FN1: variants seen among roughly 807,000 people sequenced by gnomAD.
The protein encoded by FN1 is fibronectin.
FN1 carries 106 observed loss-of-function variants against 297.3 expected under a neutral mutation model. The observed-to-expected ratio is 0.36, with a 90% CI of 0.30 to 0.42. The LOEUF (loss-of-function observed/expected upper bound fraction) is 0.42. FN1 is among the 10% of genes least tolerant of loss of function. The probability of loss-of-function intolerance (pLI) is 1.00; values close to 1 mark genes in which losing one functional copy is unlikely to be tolerated. For missense variants in FN1, 2,690 were observed against 3,124.9 expected, an observed-to-expected ratio of 0.86 and a Z score of 3.32; for synonymous variants, 1,149 against 1,152.6, an observed-to-expected ratio of 1.00 and a Z score of 0.06.
At chr2:215,410,923 G>A (rs1269080154) in intron 13 of FN1, among the ~76,000 whole-genome samples, 1 of 152,120 alleles carries the variant, frequency 6.6e-6, no homozygotes, top group African/African-American at 2.4e-5. Flanking sequence ...ATTCCTCTCT[G>A]AAGTACAGAA....
intron 40 of FN1, 76 bp from the exon 41 acceptor site, chr2:215,370,508 A>G (rs1333914563): frequency 1.6e-6 from 2 of 1,217,690 alleles, no homozygotes; most frequent in Non-Finnish European, 1.2e-6. Context: ...TCTTACCAAT[A>G]ACCCTCACTG....
Position 215,425,223 on chromosome 2 carries a change from G to T in FN1, c.907C>A (p.Pro303Thr). 1 of 1,614,178 alleles carries T rather than the reference G, an allele frequency of 6.2e-7. No individual in the cohort carries two copies. Among genetic ancestry groups the T allele is most frequent in the South Asian group, 1.1e-5 (1 of 91,078 alleles). Reference sequence around the variant, plus strand: ...TCTGTGACACAGTGGCCATAGGGAGGAGGCTGGGGGTGAGGCTGCGGTTGG... The same window carrying T: ...TCTGTGACACAGTGGCCATAGGGAGTAGGCTGGGGGTGAGGCTGCGGTTGG... The part of the protein sequence containing the change: ...VYQPQPHPQP[P>T]PYGHCVTDSG... The change falls in exon 7 of 46, where the codon CCT (proline) becomes ACT (threonine). Residue 303 changes from proline to threonine, a missense_variant. Pro to Thr is a conservative substitution (Grantham distance 38). Transcript: ENST00000354785.
chr2:215,402,131 A>C (rs2061246849), intron 20 of FN1, among the ~76,000 whole-genome samples: 1 of 152,164 alleles, frequency 6.6e-6, no homozygotes, highest in Non-Finnish European at 1.5e-5. Flanking sequence ...GAAAACCACA[A>C]CTTTTTTTAC....
At chr2:215,422,517 G>C (rs990341436) in intron 9 of FN1, among the ~76,000 whole-genome samples, 1 of 152,166 alleles carries the variant, frequency 6.6e-6, no homozygotes, top group African/African-American at 2.4e-5. Flanking sequence ...TCCACACAAA[G>C]GGTTCTTGCT....
chr2:215,381,189 C>T (rs2058151105), intron 32 of FN1, 109 bp from the exon 33 acceptor site: 1 of 1,063,650 alleles, frequency 9.4e-7, no homozygotes, highest in African/African-American at 1.6e-5. Context: ...TGATGAAGTC[C>T]AATTAACCCA....
intron 12 of FN1, among the ~76,000 whole-genome samples, chr2:215,416,198 C>T (rs996984736): frequency 4.6e-5 from 7 of 152,156 alleles, no homozygotes; most frequent in African/African-American, 1.2e-4. Context: ...ATGCTCACTT[C>T]CACACCAGTA....
rs2067421730 is a variant in FN1, at chr2:215,436,041, C to T, written c.-239G>A. The T allele has an allele frequency of 1.2e-6, 1 of 819,004 alleles. No individual in the cohort carries two copies. Among genetic ancestry groups the T allele is most frequent in the Non-Finnish European group, 1.8e-6 (1 of 553,762 alleles). The allele number at this position is 819,004 out of a possible 1,614,324, so 50.7% of individuals were successfully genotyped here. Reference sequence around the variant, plus strand: ...GCTCGCGCCTGGGGTTCCCTCTCCTCCCCCTGTGCAGCACAGCCGGCGCGG... The same window carrying T: ...GCTCGCGCCTGGGGTTCCCTCTCCTTCCCCTGTGCAGCACAGCCGGCGCGG... On this transcript the variant is annotated 5_prime_UTR_variant, in exon 1 of 46. Coordinates refer to ENST00000354785, the MANE Select transcript of FN1 (RefSeq NM_212482.4).
chr2:215,407,982 A>T, intron 17 of FN1, 126 bp downstream of exon 17: 1 of 590,618 alleles, frequency 1.7e-6, no homozygotes, highest in Non-Finnish European at 3.1e-6. Flanking sequence ...ACACACACAA[A>T]CCCCTCTCCC....
In FN1 at chr2:215,401,229, A is replaced by AG. The variant is rs1491281231; in HGVS notation, c.3254-1879dup. On this transcript the variant is annotated intron_variant, in intron 20 of 45. Coordinates refer to ENST00000354785, the MANE Select transcript of FN1 (RefSeq NM_212482.4). ...AAGAAAGAAAGAAAGAAAGAAAGAA[A>AG]GAAAGAAAGAAAGAAAGAAAGGAAG... Among the ~76,000 whole-genome samples, 136 of 55,214 alleles carry AG rather than the reference A, an allele frequency of 2.5e-3. 2 individuals are homozygous for AG. The highest frequency in any genetic ancestry group is 9.7e-3 in the African/African-American group (132 of 13,596). 36.2% of individuals were successfully genotyped at this position (55,214 alleles called of 152,430 possible).
At chr2:215,422,008 C>CA in intron 10 of FN1, 83 bp downstream of exon 10, 1 of 1,280,554 alleles carries the variant, frequency 7.8e-7, no homozygotes, top group Non-Finnish European at 1.1e-6. Context: ...CTGCTTTTGG[C>CA]ATAGTGCAAG....
In FN1 at chr2:215,373,395, G is replaced by A. The variant is rs749922153; in HGVS notation, c.6174C>T (p.Thr2058=). ...GGGCAATGACATAAATTGTATATTCGGTTCCCGGTTCCAGGCCTGAAGGGA... is the reference window on the plus strand; with the variant it reads ...GGGCAATGACATAAATTGTATATTCAGTTCCCGGTTCCAGGCCTGAAGGGA... ...EATITGLEPG[T]EYTIYVIALK... is the part of the protein sequence containing the mutation. Residue 2058 remains threonine (T), a synonymous_variant, in exon 39 of 46, where the codon ACC becomes ACT. Transcript: ENST00000354785. 21 of 1,612,566 alleles carry A rather than the reference G, an allele frequency of 1.3e-5. No individual in the cohort carries two copies. The East Asian group carries it at 1.8e-4, about 14-fold the overall frequency.
intron 36 of FN1, among the ~76,000 whole-genome samples, chr2:215,376,063 C>CA (rs2057234812): frequency 6.6e-6 from 1 of 152,136 alleles, no homozygotes; most frequent in Admixed American, 6.6e-5. Flanking sequence ...GCCTTGGAAT[C>CA]ACAATTTTAA....
At chr2:215,375,756 C>G (rs901427406) in intron 36 of FN1, 38 bp from the exon 37 acceptor site, 5 of 1,352,698 alleles carry the variant, frequency 3.7e-6, no homozygotes, top group Non-Finnish European at 4.2e-6. Flanking sequence ...ACAGTTCTTG[C>G]TTTTTACTAG....
intron 15 of FN1, 63 bp downstream of exon 15, chr2:215,409,500 C>G: frequency 6.6e-7 from 1 of 1,524,976 alleles, no homozygotes; most frequent in Non-Finnish European, 9.1e-7. Context: ...GGCCACCCAC[C>G]CCCACAAGGA....
intron 10 of FN1, chr2:215,421,125 T>A: frequency 2.9e-6 from 1 of 343,632 alleles, no homozygotes; most frequent in South Asian, 2.5e-5. Context: ...GAAAATTTCT[T>A]GCTTAGTTGA....
chr2:215,367,248 A>AACTT (rs2054820842), intron 42 of FN1, among the ~76,000 whole-genome samples: 1 of 152,260 alleles, frequency 6.6e-6, no homozygotes, highest in Admixed American at 6.5e-5. Flanking sequence ...GGCACATTTT[A>AACTT]ACTTAAAAAA....
chr2:215,379,194 GTCT>G lies in FN1; in HGVS notation c.5555_5557del (p.Lys1852del), dbSNP rs2057825684. 1 of 1,613,908 alleles carries G rather than the reference GTCT, an allele frequency of 6.2e-7. No homozygotes were observed. Among genetic ancestry groups the G allele is most frequent in the Non-Finnish European group, 8.5e-7 (1 of 1,180,002 alleles). On this transcript the variant is annotated inframe_deletion, in exon 34 of 46. Coordinates refer to ENST00000354785, the MANE Select transcript of FN1 (RefSeq NM_212482.4). ...AAGGTTGATTTCTTTCATTGGTCCG[GTCT>G]TCTCCTTGGGGGTCACCCGCACTCG...
At chr2:215,413,191 C>CT (rs1470587757) in intron 13 of FN1, among the ~76,000 whole-genome samples, 3 of 152,148 alleles carry the variant, frequency 2.0e-5, no homozygotes, top group African/African-American at 7.2e-5. Context: ...CTTGGCTCAA[C>CT]TCCCTGCAAC....
At chr2:215,387,437 A>G (rs1489525381) in intron 27 of FN1, among the ~76,000 whole-genome samples, 1 of 152,210 alleles carries the variant, frequency 6.6e-6, no homozygotes, top group Non-Finnish European at 1.5e-5. Context: ...ATATGTCAAC[A>G]GAGTGGTAAT....
Sources: gnomAD v4.1 joint callset for allele counts (sites outside exome capture counted in the v4.1 genomes callset) on GRCh38, gnomAD v4.1.1 for gene constraint, MANE v1.5 for transcripts, NCBI Gene and HGNC (gene_info 2026-07-23, HGNC 2026-07-21) for gene names.